The following IL1RAPL1 variants were observed in gnomAD, a reference collection of about 807,000 sequenced individuals.
The protein encoded by IL1RAPL1 is interleukin-1 receptor accessory protein-like 1.
Under a neutral mutation model 48.4 loss-of-function variants are expected in IL1RAPL1, and 3 were observed. The ratio of observed to expected loss-of-function variants is 0.06; its 90% CI spans 0.03 to 0.16. IL1RAPL1 has a LOEUF of 0.16. Ranked by LOEUF, IL1RAPL1 falls within the 10% of genes least tolerant of loss-of-function variation. The pLI is 1.00. For synonymous variants in IL1RAPL1, 185 were observed against 187.7 expected, an observed-to-expected ratio of 0.99 and a Z score of 0.12; for missense variants, 349 against 530.6, an observed-to-expected ratio of 0.66 and a Z score of 3.36.
chrX:29,910,999 C>T, intron 6 of IL1RAPL1, among the ~76,000 whole-genome samples: 1 of 111,349 alleles, frequency 9.0e-6, no homozygotes, highest in South Asian at 3.8e-4. Flanking sequence ...TCTCTTATGG[C>T]CTAGCAACAT....
chrX:29,353,847 T>TA (rs753336885), intron 3 of IL1RAPL1, among the ~76,000 whole-genome samples: 2 of 95,103 alleles, frequency 2.1e-5, no homozygotes, highest in South Asian at 4.6e-4. Context: ...TTTTTTTTTT[T>TA]AAATTTGCTT....
chrX:28,784,043 T>G (rs747285849), intron 1 of IL1RAPL1, among the ~76,000 whole-genome samples: 1 of 112,155 alleles, frequency 8.9e-6, no homozygotes, highest in African/African-American at 3.2e-5. Flanking sequence ...TATACATAAC[T>G]TTATAATTTG....
chrX:29,313,989 A>G lies in IL1RAPL1; in HGVS notation c.362+30772A>G, dbSNP rs780282273. On this transcript the variant is annotated intron_variant, in intron 3 of 10. Transcript: ENST00000378993. ...GAATCTTACAAACTAATTTTGTTTT[A>G]CTAACCAAGACAGTGTAGGATAGTT... Among the ~76,000 whole-genome samples the G allele has an allele frequency of 5.3e-5, 6 of 112,613 alleles. No homozygotes were observed. The South Asian group carries it at 1.1e-3, about 21-fold the overall frequency.
chrX:29,920,814 A>AAAAAAAAG (rs1932840777), intron 8 of IL1RAPL1, among the ~76,000 whole-genome samples: 1 of 93,869 alleles, frequency 1.1e-5, no homozygotes, highest in African/African-American at 4.0e-5. Context: ...AAAAAAAAAA[A>AAAAAAAAG]AAAAGAAAAG....
chrX:29,143,725 T>C (rs1929290495), intron 2 of IL1RAPL1, among the ~76,000 whole-genome samples: 1 of 112,265 alleles, frequency 8.9e-6, no homozygotes, highest in Admixed American at 9.4e-5. Context: ...ATTGTTATAA[T>C]TGTTCTATTT....
At chrX:29,233,702 C>T (rs773387588) in intron 2 of IL1RAPL1, among the ~76,000 whole-genome samples, 1 of 111,440 alleles carries the variant, frequency 9.0e-6, no homozygotes, top group Non-Finnish European at 1.9e-5. Context: ...GACTAGGTTA[C>T]GTTATACAGC....
At chrX:29,695,475 A>G (rs1303375599) in intron 6 of IL1RAPL1, among the ~76,000 whole-genome samples, 4 of 110,650 alleles carry the variant, frequency 3.6e-5, no homozygotes, top group African/African-American at 1.3e-4. Flanking sequence ...ACAAACATCT[A>G]TTTCTCATGG....
chrX:29,610,587 G>T (rs1278638068), intron 5 of IL1RAPL1, among the ~76,000 whole-genome samples: 1 of 112,381 alleles, frequency 8.9e-6, no homozygotes, highest in African/African-American at 3.2e-5. Flanking sequence ...CTCACCAAAA[G>T]ATAACTGTCC....
chrX:29,020,258 T>C (rs769072128), intron 2 of IL1RAPL1, among the ~76,000 whole-genome samples: 1 of 112,629 alleles, frequency 8.9e-6, no homozygotes, highest in Admixed American at 9.4e-5. Context: ...GGTATGTCCA[T>C]TGTACAGTTA....
rs771145088 is a variant in IL1RAPL1 at position 28,622,717 on chromosome X, G to A, written c.-25+34670G>A. On this transcript the variant is annotated intron_variant, in intron 1 of 10. Coordinates refer to ENST00000378993, the MANE Select transcript of IL1RAPL1 (RefSeq NM_014271.4). ...GATTCTAATCACAGCTGTTTTCTGT[G>A]AATTAAATCACCAAGAAAACTCAAT... 1.4e-4 allele frequency among the ~76,000 whole-genome samples: 16 copies of A among 111,672 alleles called. No individual in the cohort carries two copies. In the South Asian group the frequency reaches 5.2e-3, roughly 37 times the overall value.
At chrX:29,035,218 A>AT (rs1345206134) in intron 2 of IL1RAPL1, among the ~76,000 whole-genome samples, 1 of 111,221 alleles carries the variant, frequency 9.0e-6, no homozygotes, top group Non-Finnish European at 1.9e-5. Context: ...AAGTGCTGGG[A>AT]TTACAGGCTT....
intron 5 of IL1RAPL1, among the ~76,000 whole-genome samples, chrX:29,553,406 A>T (rs1239975901): frequency 3.6e-5 from 4 of 111,567 alleles, no homozygotes; most frequent in Non-Finnish European, 7.5e-5. Flanking sequence ...TTTCAGCTGT[A>T]ATCCACTGTC....
At chrX:29,140,271 G>T (rs971052124) in intron 2 of IL1RAPL1, among the ~76,000 whole-genome samples, 1 of 111,820 alleles carries the variant, frequency 8.9e-6, no homozygotes, top group African/African-American at 3.3e-5. Flanking sequence ...TAATATTGGA[G>T]ATCAATTTTC....
Position 28,668,501 on chromosome X carries a change from G to C in IL1RAPL1, c.-25+80454G>C, listed in dbSNP as rs192861872. ...TCTCGAACTCCTGACCTCTGCATCC[G>C]CCCACCTCGGCCTCCCGAAGTGCTC... On this transcript the variant is annotated intron_variant, in intron 1 of 10. Transcript: ENST00000378993. Among the ~76,000 whole-genome samples the C allele has an allele frequency of 4.4e-3, 499 of 113,207 alleles. 2 individuals carry two copies. The highest frequency in any genetic ancestry group is 0.016 in the African/African-American group (487 of 31,233).
At chrX:29,380,856 C>T (rs998560091) in intron 3 of IL1RAPL1, among the ~76,000 whole-genome samples, 17 of 111,169 alleles carry the variant, frequency 1.5e-4, no homozygotes, top group African/African-American at 3.3e-4. Context: ...TGAATAGAGG[C>T]ATATTACAAT....
chrX:29,280,345 A>G (rs1180569238), intron 2 of IL1RAPL1, among the ~76,000 whole-genome samples: 3 of 111,864 alleles, frequency 2.7e-5, no homozygotes, highest in Non-Finnish European at 1.9e-5. Context: ...TATTTACTCT[A>G]GATAGTACCT....
At chrX:29,306,860 CA>C (rs1168897352) in intron 3 of IL1RAPL1, among the ~76,000 whole-genome samples, 421 of 28,673 alleles carry the variant, frequency 0.015, 1 homozygote, top group Middle Eastern at 0.12. Context: ...GACTCTGTCT[CA>C]AAAAAAAAAA....
chrX:29,008,415 A>G (rs1370417392), intron 2 of IL1RAPL1, among the ~76,000 whole-genome samples: 1 of 111,615 alleles, frequency 9.0e-6, no homozygotes, highest in Non-Finnish European at 1.9e-5. Flanking sequence ...TGACCTCGTG[A>G]TCTGCCCGCC....
At chrX:29,319,160 G>GTCTGTCTGTCTA (rs370282992) in intron 3 of IL1RAPL1, among the ~76,000 whole-genome samples, 11 of 84,986 alleles carry the variant, frequency 1.3e-4, no homozygotes, top group African/African-American at 5.1e-4. Context: ...CTATCTGTCT[G>GTCTGTCTGTCTA]TCTATCTATC....
Sources: allele counts gnomAD v4.1 joint callset (sites outside exome capture counted in the v4.1 genomes callset), GRCh38; gene constraint gnomAD v4.1.1; transcripts MANE v1.5; gene names NCBI Gene and HGNC (gene_info 2026-07-23, HGNC 2026-07-21).